Variants in PABPC1 observed in about 807,000 individuals in gnomAD.
PABPC1 encodes poly(A) binding protein cytoplasmic 1, also known as polyadenylate-binding protein 1.
A neutral mutation model predicts 74.0 loss-of-function variants in PABPC1; 4 were observed. The observed-to-expected ratio is 0.05, with a 90% CI of 0.03 to 0.12. The LOEUF (loss-of-function observed/expected upper bound fraction) is 0.12, where lower values mean the gene tolerates loss of function less well. Ranked by LOEUF, PABPC1 falls within the 10% of genes least tolerant of loss-of-function variation. The probability of loss-of-function intolerance (pLI) is 1.00; values close to 1 mark genes in which losing one functional copy is unlikely to be tolerated. For missense variants in PABPC1, 271 were observed against 821.1 expected (o/e 0.33, Z 8.19); for synonymous variants, 227 against 264.1 (o/e 0.86, Z 1.36).
At position 100,721,848 on chromosome 8, in the gene PABPC1, G is replaced by A. The variant is rs542269329; in HGVS notation, c.-265C>T. 5.6e-6 allele frequency: 2 copies of A among 355,644 alleles called. No homozygotes were observed. Among genetic ancestry groups the A allele is most frequent in the African/African-American group, 2.1e-5 (1 of 47,676 alleles). The allele number at this position is 355,644 out of a possible 1,614,324, so 22.0% of individuals were successfully genotyped here. The stretch of plus-strand genomic sequence containing the variant: ...GCCTCGGTCTCTTGGTTCCTTCTTG[G>A]AGCTGCTGCGGGGCCGCGGGCGGGC... On this transcript the variant is annotated 5_prime_UTR_variant, in exon 1 of 15. Transcript: ENST00000318607. This position sits in a 1 kb window ranked among gnomAD's most constrained non-coding sequence, Gnocchi z 7.4.
chr8:100,720,006 A>G (rs544720792), intron 1 of PABPC1, among the ~76,000 whole-genome samples: 1 of 152,388 alleles, frequency 6.6e-6, no homozygotes, highest in Admixed American at 6.5e-5. Context: ...CAAAATCAGT[A>G]TCAACTTTAC....
Position 100,721,465 on chromosome 8 carries a change from A to C in PABPC1, c.119T>G (p.Ile40Ser). 1 of 1,611,178 alleles carries C rather than the reference A, an allele frequency of 6.2e-7. No homozygotes were observed. Among genetic ancestry groups the C allele is most frequent in the Non-Finnish European group, 8.5e-7 (1 of 1,178,634 alleles). ...KFSPAGPILS[I>S]RVCRDMITRR... ...GGTGATCATGTCCCTGCAGACCCGG[A>C]TGGAGAGGATGGGCCCGGCCGGGCT... The change falls in exon 1 of 15, where the codon ATC becomes AGC. Residue 40 changes from isoleucine (I) to serine (S), a missense_variant. Ile to Ser is a moderately radical substitution (Grantham distance 142). Around this residue, in one of 7 missense-constraint regions of PABPC1, gnomAD observed 47 missense variants for 214.1 expected, o/e 0.22. Transcript: ENST00000318607. The surrounding 1 kb of genome is among the most constrained non-coding windows in gnomAD (Gnocchi z 7.4).
At chr8:100,718,383 C>T (rs1264975339) in intron 1 of PABPC1, 103 bp from the exon 2 acceptor site, 1 of 854,398 alleles carries the variant, frequency 1.2e-6, no homozygotes, top group Admixed American at 2.7e-5. Flanking sequence ...CACATGGTCT[C>T]ACAGTTGAAC....
chr8:100,709,253 C>A, intron 8 of PABPC1, 30 bp from the exon 9 acceptor site: 1 of 1,593,798 alleles, frequency 6.3e-7, no homozygotes, highest in Non-Finnish European at 8.6e-7. Context: ...ATGAGTTTAT[C>A]AGTTGAAGAA....
At chr8:100,718,035 A>G in intron 2 of PABPC1, 52 bp downstream of exon 2, 1 of 1,517,966 alleles carries the variant, frequency 6.6e-7, no homozygotes, top group Non-Finnish European at 9.1e-7. Flanking sequence ...CAAGCACTAA[A>G]CTAAATGTAG....
chr8:100,708,540 C>T (rs1171364662), intron 9 of PABPC1, among the ~76,000 whole-genome samples: 1 of 152,184 alleles, frequency 6.6e-6, no homozygotes, highest in Non-Finnish European at 1.5e-5. Context: ...GATTCTCATA[C>T]ATGATTAAAT....
chr8:100,720,821 A>T (rs983263738), intron 1 of PABPC1, among the ~76,000 whole-genome samples: 1 of 152,212 alleles, frequency 6.6e-6, no homozygotes, highest in Non-Finnish European at 1.5e-5. Context: ...GAGGACCACC[A>T]CCACACCACA....
In PABPC1 at chr8:100,704,945, G is replaced by A. The variant is rs1170586457; in HGVS notation, c.1799C>T (p.Pro600Leu). The change falls in exon 13 of 15, where the codon CCA becomes CTA. Residue 600 changes from proline to leucine, a missense_variant. Pro to Leu is a moderately conservative substitution (Grantham distance 98). This residue lies in a region of PABPC1 where 23 missense variants were observed against 48.1 expected (regional missense o/e 0.48). Transcript: ENST00000318607. ...NSELLHMLES[P>L]ESLRSKVDEA... ...AATCACCTTAGAACGGAGTGACTCT[G>A]GAGACTCGAGCATATGAAGAAGTTC... is the stretch of plus-strand genomic sequence containing the variant. 6.2e-7 allele frequency: 1 copy of A among 1,612,380 alleles called. No homozygotes were observed. Among genetic ancestry groups the A allele is most frequent in the Non-Finnish European group, 8.5e-7 (1 of 1,179,816 alleles).
At chr8:100,713,284 G>A (rs1209058969) in intron 4 of PABPC1, 103 bp from the exon 5 acceptor site, 15 of 595,612 alleles carry the variant, frequency 2.5e-5, no homozygotes, top group Middle Eastern at 2.6e-4. Flanking sequence ...TCAAAGCTCC[G>A]TAACTTGACT....
chr8:100,720,885 C>CCAGGAG (rs1332978423), intron 1 of PABPC1, among the ~76,000 whole-genome samples: 3 of 152,152 alleles, frequency 2.0e-5, no homozygotes, highest in Admixed American at 6.5e-5. Flanking sequence ...GGCGACTGGG[C>CCAGGAG]CAGGAGCAGG....
Position 100,704,919 on chromosome 8 carries a change from A to G in PABPC1, c.1818+7T>C, listed in dbSNP as rs373327406. On this transcript the variant is annotated splice_region_variant and intron_variant, in intron 13 of 14. Coordinates refer to ENST00000318607, the MANE Select transcript of PABPC1 (RefSeq NM_002568.4). Reference sequence around the variant, plus strand: ...AAGAGGCAACTTGGTAAATAAATTTAAATCACCTTAGAACGGAGTGACTCT... The same window carrying G: ...AAGAGGCAACTTGGTAAATAAATTTGAATCACCTTAGAACGGAGTGACTCT... 13 of 1,606,254 alleles carry G rather than the reference A, an allele frequency of 8.1e-6. No individual in the cohort carries two copies. The highest frequency in any genetic ancestry group is 3.4e-5 in the Admixed American group (2 of 59,482).
At chr8:100,705,354 T>C (rs1456209973) in intron 12 of PABPC1, among the ~76,000 whole-genome samples, 1 of 152,258 alleles carries the variant, frequency 6.6e-6, no homozygotes, top group Non-Finnish European at 1.5e-5. Context: ...CTCTCAAAAA[T>C]GTAGTGAGGG....
intron 7 of PABPC1, 130 bp downstream of exon 7, chr8:100,712,232 G>A: frequency 1.7e-6 from 1 of 587,524 alleles, no homozygotes; most frequent in Non-Finnish European, 3.0e-6. Context: ...GTTCAAATGT[G>A]AATTTAAGTT....
rs776322525 is a variant in PABPC1 at position 100,709,746 on chromosome 8, A to G, written c.973-15T>C. The G allele has an allele frequency of 2.7e-6, 4 of 1,499,822 alleles. No homozygotes were observed. The South Asian group carries it at 4.1e-5, about 15-fold the overall frequency. The allele number at this position is 1,499,822 out of a possible 1,614,324, so 92.9% of individuals were successfully genotyped here. The stretch of plus-strand genomic sequence containing the variant: ...TCCATCATAACCTATTAAAAAAAAG[A>G]AAAAAAAAGTTAACGTAATGGTAGA... On this transcript the variant is annotated splice_polypyrimidine_tract_variant and intron_variant, in intron 7 of 14. Coordinates refer to ENST00000318607, the MANE Select transcript of PABPC1 (RefSeq NM_002568.4).
intron 4 of PABPC1, among the ~76,000 whole-genome samples, chr8:100,715,144 CACACACACACACACATATAT>C (rs1810634750): frequency 7.2e-6 from 1 of 138,108 alleles, no homozygotes; most frequent in African/African-American, 2.6e-5. Context: ...CACACACACA[CACACACACACACACATATAT>C]ATCTCCAGCC....
chr8:100,708,948 G>A (rs1810457474), intron 9 of PABPC1, among the ~76,000 whole-genome samples, 185 bp downstream of exon 9: 1 of 151,954 alleles, frequency 6.6e-6, no homozygotes, highest in Non-Finnish European at 1.5e-5. Context: ...TTTATAAAGG[G>A]AAATCAAACC....
chr8:100,719,896 T>C (rs1372721362), intron 1 of PABPC1, among the ~76,000 whole-genome samples: 3 of 152,228 alleles, frequency 2.0e-5, no homozygotes, highest in Non-Finnish European at 4.4e-5. Context: ...AGAACTGTTA[T>C]GAAGTGACAT....
intron 3 of PABPC1, among the ~76,000 whole-genome samples, chr8:100,716,704 A>C (rs1276868129): frequency 2.6e-5 from 4 of 152,204 alleles, no homozygotes; most frequent in Non-Finnish European, 5.9e-5. Flanking sequence ...TTTTTAAGAG[A>C]CAAGGTCTTG....
At chr8:100,706,268 T>G (rs1293055372) in intron 11 of PABPC1, among the ~76,000 whole-genome samples, 1 of 152,246 alleles carries the variant, frequency 6.6e-6, no homozygotes, top group Non-Finnish European at 1.5e-5. Flanking sequence ...TAGCAGAATG[T>G]TCCAGATAGG....
Sources: allele counts gnomAD v4.1 joint callset (sites outside exome capture counted in the v4.1 genomes callset), GRCh38; gene constraint gnomAD v4.1.1; regional missense constraint gnomAD v4.1.1; non-coding constraint Gnocchi (gnomAD v3.1); transcripts MANE v1.5; gene names NCBI Gene and HGNC (gene_info 2026-07-23, HGNC 2026-07-21).